The following TET1 variants were observed in gnomAD, a reference collection of about 807,000 sequenced individuals.
TET1 encodes the protein tet methylcytosine dioxygenase 1, also known as methylcytosine dioxygenase TET1.
A neutral mutation model predicts 148.7 loss-of-function variants in TET1; 13 were observed. That is an observed-to-expected ratio of 0.09 (90% CI 0.06 to 0.14). The LOEUF (loss-of-function observed/expected upper bound fraction) is 0.14. TET1 is among the 10% of genes least tolerant of loss of function. The pLI is 1.00. For synonymous variants in TET1, 907 were observed against 937.2 expected (o/e 0.97, Z 0.59); for missense variants, 2,182 against 2,553.8 (o/e 0.85, Z 3.14).
At chr10:68,561,204 G>A (rs1037057171) in intron 1 of TET1, among the ~76,000 whole-genome samples, 5 of 152,252 alleles carry the variant, frequency 3.3e-5, no homozygotes, top group African/African-American at 1.2e-4. Flanking sequence ...TGTGAGTGGG[G>A]AGTCCGGGCT....
intron 2 of TET1, among the ~76,000 whole-genome samples, chr10:68,580,782 CAAAAAAAAAAAA>C (rs71483915): frequency 1.0e-5 from 1 of 95,320 alleles, no homozygotes; most frequent in Non-Finnish European, 2.0e-5. Flanking sequence ...AACTCCATCT[CAAAAAAAAAAAA>C]AAAAAAAAAA....
chr10:68,560,965 G>A (rs1447196773), intron 1 of TET1, among the ~76,000 whole-genome samples: 3 of 152,178 alleles, frequency 2.0e-5, no homozygotes, highest in Non-Finnish European at 4.4e-5. Context: ...CAATGCCCCC[G>A]GCCGGAGGTA....
rs756132681 is a variant in TET1 at position 68,574,189 on chromosome 10, G to A, written c.1851G>A (p.Gln617=). Reference sequence around the variant, plus strand: ...GCAAGAACAGAAAGAACAGCCATCAGATCTGTAAGAAAAGAAAATGTGAGG... The same window carrying A: ...GCAAGAACAGAAAGAACAGCCATCAAATCTGTAAGAAAAGAAAATGTGAGG... ...TYCKNRKNSH[Q]ICKKRKCEEL... Residue 617 remains glutamine (Q), a synonymous_variant, in exon 2 of 12, where the codon CAG becomes CAA. Coordinates refer to ENST00000373644, the MANE Select transcript of TET1 (RefSeq NM_030625.3). 1.9e-6 allele frequency: 3 copies of A among 1,613,584 alleles called. No homozygotes were observed. The highest frequency in any genetic ancestry group is 2.5e-6 in the Non-Finnish European group (3 of 1,180,022).
chr10:68,674,611 C>A, intron 8 of TET1: 2 of 499,794 alleles, frequency 4.0e-6, no homozygotes, highest in South Asian at 1.7e-5. Flanking sequence ...GCCTGATGAG[C>A]TTCCATGGCG....
Position 68,585,996 on chromosome 10 carries a change from C to G in TET1, c.1914+11744C>G, listed in dbSNP as rs1221467888. Reference sequence around the variant, plus strand: ...GTACTCCAGTCTGGTGACACAGACTCCATCTCAAAAAAAAAAAAAAAAAAT... The same window carrying G: ...GTACTCCAGTCTGGTGACACAGACTGCATCTCAAAAAAAAAAAAAAAAAAT... On this transcript the variant is annotated intron_variant, in intron 2 of 11. Coordinates refer to ENST00000373644, the MANE Select transcript of TET1 (RefSeq NM_030625.3). Among the ~76,000 whole-genome samples, 3 of 144,666 alleles carry G rather than the reference C, an allele frequency of 2.1e-5. No homozygotes were observed. The East Asian group carries it at 6.3e-4, about 30-fold the overall frequency. The allele number at this position is 144,666 out of a possible 152,430, so 94.9% of individuals were successfully genotyped here.
intron 3 of TET1, among the ~76,000 whole-genome samples, chr10:68,601,423 C>T (rs1357757312): frequency 2.6e-5 from 4 of 152,164 alleles, no homozygotes; most frequent in Non-Finnish European, 4.4e-5. Flanking sequence ...TTTTAATAGA[C>T]TGTCCATTAA....
intron 3 of TET1, among the ~76,000 whole-genome samples, chr10:68,630,673 A>C (rs962392776): frequency 2.6e-5 from 4 of 152,142 alleles, no homozygotes; most frequent in African/African-American, 9.7e-5. Context: ...CTGAGTTTGG[A>C]ATTCAGGAGA....
At chr10:68,609,156 CCTGA>C (rs2054170329) in intron 3 of TET1, among the ~76,000 whole-genome samples, 2 of 151,978 alleles carry the variant, frequency 1.3e-5, no homozygotes, top group South Asian at 4.2e-4. Flanking sequence ...TGCCACCAAG[CCTGA>C]CTAATTTTAT....
intron 3 of TET1, among the ~76,000 whole-genome samples, chr10:68,628,126 T>G (rs993767975): frequency 6.6e-6 from 1 of 152,102 alleles, no homozygotes; most frequent in Non-Finnish European, 1.5e-5. Flanking sequence ...TTTTGTATTT[T>G]TAGTAGAGAT....
chr10:68,562,844 T>C (rs2053568891), intron 1 of TET1, among the ~76,000 whole-genome samples: 1 of 152,090 alleles, frequency 6.6e-6, no homozygotes, highest in Non-Finnish European at 1.5e-5. Flanking sequence ...CCTATCCCCT[T>C]GGTCTTTTAG....
intron 6 of TET1, among the ~76,000 whole-genome samples, chr10:68,659,768 A>C (rs529624012): frequency 6.6e-6 from 1 of 152,326 alleles, no homozygotes; most frequent in East Asian, 1.9e-4. Context: ...CACACAGAAA[A>C]GTATACATAC....
At chr10:68,662,853 G>C (rs750699523) in intron 6 of TET1, among the ~76,000 whole-genome samples, 5 of 152,154 alleles carry the variant, frequency 3.3e-5, no homozygotes, top group Non-Finnish European at 7.3e-5. Context: ...GATGTTAAAG[G>C]CTGCATACAG....
intron 3 of TET1, among the ~76,000 whole-genome samples, chr10:68,626,188 A>C (rs899046782): frequency 6.6e-6 from 1 of 151,510 alleles, no homozygotes; most frequent in Admixed American, 6.6e-5. Context: ...ACTGACTTCT[A>C]ATGTCTTTTA....
chr10:68,565,475 A>AAAAAATATAT (rs1388182777), intron 1 of TET1, among the ~76,000 whole-genome samples: 276 of 129,208 alleles, frequency 2.1e-3, no homozygotes, highest in East Asian at 5.5e-3. Context: ...AAAAAAAAAA[A>AAAAAATATAT]ATATATATAT....
chr10:68,576,294 C>T (rs1032588458), intron 2 of TET1, among the ~76,000 whole-genome samples: 9 of 148,498 alleles, frequency 6.1e-5, no homozygotes, highest in Non-Finnish European at 1.3e-4. Flanking sequence ...GAAGTTGCAG[C>T]GAGTGGAGGT....
chr10:68,595,981 T>TATAC (rs1554932824), intron 2 of TET1, among the ~76,000 whole-genome samples: 12 of 40,848 alleles, frequency 2.9e-4, no homozygotes, highest in African/African-American at 9.1e-4. Flanking sequence ...CACACACATA[T>TATAC]ATACACACAC....
chr10:68,577,123 G>T (rs950638545), intron 2 of TET1, among the ~76,000 whole-genome samples: 1 of 152,166 alleles, frequency 6.6e-6, no homozygotes, highest in Non-Finnish European at 1.5e-5. Flanking sequence ...TGTTAGCCAG[G>T]ATGGTCCCGA....
intron 6 of TET1, among the ~76,000 whole-genome samples, chr10:68,656,411 T>C (rs2055022881): frequency 6.6e-6 from 1 of 152,010 alleles, no homozygotes; most frequent in Non-Finnish European, 1.5e-5. Flanking sequence ...TACAGGCGCC[T>C]GCCACCACAC....
At chr10:68,651,375 C>T (rs1004202140) in intron 4 of TET1, among the ~76,000 whole-genome samples, 4 of 151,820 alleles carry the variant, frequency 2.6e-5, no homozygotes, top group African/African-American at 7.3e-5. Flanking sequence ...GGTGTGAACC[C>T]GGGAGGCGGA....
Sources: allele counts gnomAD v4.1 joint callset (sites outside exome capture counted in the v4.1 genomes callset), GRCh38; gene constraint gnomAD v4.1.1; transcripts MANE v1.5; gene names NCBI Gene and HGNC (gene_info 2026-07-23, HGNC 2026-07-21).